DNAJC11: variants seen among roughly 807,000 people sequenced by gnomAD.
DNAJC11 encodes DnaJ heat shock protein family (Hsp40) member C11.
In DNAJC11, 15 loss-of-function variants were observed where a neutral mutation model predicts 78.6. The ratio of observed to expected loss-of-function variants is 0.19; its 90% CI spans 0.13 to 0.29. The LOEUF is 0.29. Among genes scored for constraint, DNAJC11 ranks in the 10% least tolerant of loss-of-function variants. DNAJC11 has a pLI of 1.00. For synonymous variants in DNAJC11, 292 were observed against 272.1 expected (o/e 1.07, Z -0.72); for missense variants, 547 against 709.6 (o/e 0.77, Z 2.60).
intron 1 of DNAJC11, among the ~76,000 whole-genome samples, chr1:6,685,191 AAT>A (rs1330327468): frequency 6.6e-6 from 1 of 152,346 alleles, no homozygotes; most frequent in South Asian, 2.1e-4. Flanking sequence ...ATGTCTGGAT[AAT>A]ATGTCTGTAC....
In DNAJC11 at chr1:6,680,446, G is replaced by C. The variant is rs1172859667; in HGVS notation, c.202+462C>G. Among the ~76,000 whole-genome samples the C allele has an allele frequency of 1.3e-5, 2 of 152,046 alleles. No homozygotes were observed. The highest frequency in any genetic ancestry group is 2.4e-5 in the African/African-American group (1 of 41,398). On this transcript the variant is annotated intron_variant, in intron 2 of 15. Coordinates refer to ENST00000377577, the MANE Select transcript of DNAJC11 (RefSeq NM_018198.4). The surrounding 1 kb of genome is among the most constrained non-coding windows in gnomAD (Gnocchi z 4.0). ...ATAAGTATAAAAATGTGAATCACTT[G>C]GTTCTATTTCCTATAAGCCTTCTTA...
At chr1:6,700,300 C>G (rs763247886) in intron 1 of DNAJC11, among the ~76,000 whole-genome samples, 3 of 152,236 alleles carry the variant, frequency 2.0e-5, no homozygotes, top group Non-Finnish European at 2.9e-5. Context: ...AATCCCACCA[C>G]CCTTTGCTGA....
At chr1:6,686,377 C>T (rs1387833848) in intron 1 of DNAJC11, among the ~76,000 whole-genome samples, 1 of 152,190 alleles carries the variant, frequency 6.6e-6, no homozygotes, top group Non-Finnish European at 1.5e-5. Context: ...AACTGCTGGG[C>T]TAGATGATAC....
intron 1 of DNAJC11, among the ~76,000 whole-genome samples, chr1:6,691,977 A>G (rs181722299): frequency 6.6e-6 from 1 of 152,382 alleles, no homozygotes; most frequent in East Asian, 1.9e-4. Flanking sequence ...AAGTAAAATT[A>G]AAATGAAAGG....
intron 6 of DNAJC11, among the ~76,000 whole-genome samples, chr1:6,652,091 C>G (rs1040555363): frequency 6.6e-6 from 1 of 152,244 alleles, no homozygotes; most frequent in Admixed American, 6.5e-5. Context: ...GGTTCCACAC[C>G]CGCACAGCCT....
Position 6,650,244 on chromosome 1 carries a change from C to A in DNAJC11, c.704+1285G>T, listed in dbSNP as rs945123952. ...CATCACTATTCTCCAGCCGGGGTGA[C>A]AAAGTGAGACCTGTCTCAAAACAAA... is the stretch of plus-strand genomic sequence containing the variant. On this transcript the variant is annotated intron_variant, in intron 7 of 15. Transcript: ENST00000377577. 8.6e-5 allele frequency among the ~76,000 whole-genome samples: 13 copies of A among 151,524 alleles called. 1 individual carries two copies. Among genetic ancestry groups the A allele is most frequent in the Admixed American group, 7.9e-4 (12 of 15,214 alleles).
chr1:6,653,818 A>G lies in DNAJC11; in HGVS notation c.507+93T>C. 1 of 1,493,566 alleles carries G rather than the reference A, an allele frequency of 6.7e-7. No homozygotes were observed. The highest frequency in any genetic ancestry group is 9.1e-7 in the Non-Finnish European group (1 of 1,093,522). 92.5% of individuals were successfully genotyped at this position (1,493,566 alleles called of 1,614,324 possible). A position where few individuals can be genotyped will look rare whatever the true frequency, so the allele number is the denominator to read the frequency against. ...CCTTTCATAAATAAAGATGAGAAAA[A>G]CCCTGGGCAGACTCTCATTCCAGCT... On this transcript the variant is annotated intron_variant, in intron 5 of 15. Transcript: ENST00000377577. This position sits in a 1 kb window ranked among gnomAD's most constrained non-coding sequence, Gnocchi z 4.5.
chr1:6,669,577 A>C (rs924917372), intron 3 of DNAJC11, among the ~76,000 whole-genome samples: 1 of 150,684 alleles, frequency 6.6e-6, no homozygotes, highest in Non-Finnish European at 1.5e-5. Context: ...AAAGAAAAGA[A>C]GGCATTTCAA....
In DNAJC11 at chr1:6,680,862, A is replaced by T. The variant is rs200735829; in HGVS notation, c.202+46T>A. ...ACAAATCGCACCTCCTAAAAATCGA[A>T]TATCTGTTACCAGGATGTTTCTACA... On this transcript the variant is annotated intron_variant, in intron 2 of 15. Transcript: ENST00000377577. This position sits in a 1 kb window ranked among gnomAD's most constrained non-coding sequence, Gnocchi z 4.0. The T allele has an allele frequency of 6.3e-7, 1 of 1,598,410 alleles. No individual in the cohort carries two copies. The highest frequency in any genetic ancestry group is 2.2e-5 in the East Asian group (1 of 44,512).
At chr1:6,696,695 G>C (rs1642842546) in intron 1 of DNAJC11, among the ~76,000 whole-genome samples, 1 of 152,182 alleles carries the variant, frequency 6.6e-6, no homozygotes, top group African/African-American at 2.4e-5. Flanking sequence ...TAGTTTCATG[G>C]CTGTTCTGGA....
At chr1:6,683,062 A>G (rs992608038) in intron 1 of DNAJC11, among the ~76,000 whole-genome samples, 5 of 152,200 alleles carry the variant, frequency 3.3e-5, no homozygotes, top group Non-Finnish European at 7.3e-5. Flanking sequence ...CTCTGTCAGA[A>G]TAGGGTCAAG....
chr1:6,645,430 G>A lies in DNAJC11; in HGVS notation c.895-304C>T, dbSNP rs1015862256. On this transcript the variant is annotated intron_variant, in intron 8 of 15. Coordinates refer to ENST00000377577, the MANE Select transcript of DNAJC11 (RefSeq NM_018198.4). The surrounding 1 kb of genome is among the most constrained non-coding windows in gnomAD (Gnocchi z 4.1). ...AGCCAAGGAGCAGTGGCCCGTGTGGGGCTTCTCATGTACCAGCCCTGGTGT... is the reference window on the plus strand; with the variant it reads ...AGCCAAGGAGCAGTGGCCCGTGTGGAGCTTCTCATGTACCAGCCCTGGTGT... Among the ~76,000 whole-genome samples the A allele has an allele frequency of 7.2e-5, 11 of 152,198 alleles. No individual in the cohort carries two copies. The highest frequency in any genetic ancestry group is 2.4e-4 in the African/African-American group (10 of 41,438).
chr1:6,696,218 A>T (rs1338933016), intron 1 of DNAJC11, among the ~76,000 whole-genome samples: 1 of 152,270 alleles, frequency 6.6e-6, no homozygotes, highest in Non-Finnish European at 1.5e-5. Context: ...AAAATGAAGG[A>T]ACTGACCTTT....
chr1:6,662,053 G>GT (rs1216959899), intron 4 of DNAJC11, among the ~76,000 whole-genome samples: 71 of 151,878 alleles, frequency 4.7e-4, no homozygotes, highest in African/African-American at 1.6e-3. Flanking sequence ...CAGGGCTCAA[G>GT]CATTCCTCCT....
At chr1:6,637,544 G>C (rs1398151818) in intron 12 of DNAJC11, 40 bp from the exon 13 acceptor site, 1 of 1,611,876 alleles carries the variant, frequency 6.2e-7, no homozygotes, top group Non-Finnish European at 8.5e-7. Flanking sequence ...GGCCCTGCCA[G>C]GCCTGTTCCA....
At chr1:6,689,827 G>A (rs1570313228) in intron 1 of DNAJC11, among the ~76,000 whole-genome samples, 1 of 151,942 alleles carries the variant, frequency 6.6e-6, no homozygotes, top group Non-Finnish European at 1.5e-5. Context: ...AAAGGGCTAT[G>A]TAAGGAGGAC....
rs201758526 is a variant in DNAJC11 at position 6,636,132 on chromosome 1, G to A, written c.1639C>T (p.Arg547Trp). The A allele has an allele frequency of 7.7e-5, 125 of 1,614,014 alleles. No homozygotes were observed. Among genetic ancestry groups the A allele is most frequent in the Admixed American group, 1.7e-4 (10 of 59,976 alleles). Reference sequence around the variant, plus strand: ...GGCTACTCACACTGCTTTGGTATCCGGAGGGCCTCACTGTCCAGCACCATC... The same window carrying A: ...GGCTACTCACACTGCTTTGGTATCCAGAGGGCCTCACTGTCCAGCACCATC... Reference protein sequence around the residue: ...QVMVLDSEALRIPKQSHRIDT... With the variant: ...QVMVLDSEALWIPKQSHRIDT... Residue 547 changes from arginine (R) to tryptophan (W), a missense_variant, in exon 15 of 16, where the codon CGG becomes TGG. Transcript: ENST00000377577.
At chr1:6,641,362 G>T (rs1641872156) in intron 10 of DNAJC11, among the ~76,000 whole-genome samples, 1 of 130,782 alleles carries the variant, frequency 7.6e-6, no homozygotes. Context: ...GGGTGCAAGA[G>T]CGAAACTCCG....
chr1:6,653,080 G>T lies in DNAJC11; in HGVS notation c.508-129C>A. ...GATTCCTCTGTTCAGAAGCACACAT[G>T]GATGCAGAACTGCCGCAACAGCTTC... On this transcript the variant is annotated intron_variant, in intron 5 of 15. Coordinates refer to ENST00000377577, the MANE Select transcript of DNAJC11 (RefSeq NM_018198.4). The surrounding 1 kb of genome is among the most constrained non-coding windows in gnomAD (Gnocchi z 4.5). 9.2e-7 allele frequency: 1 copy of T among 1,089,366 alleles called. No individual in the cohort carries two copies. The highest frequency in any genetic ancestry group is 1.3e-6 in the Non-Finnish European group (1 of 749,156). The allele number at this position is 1,089,366 out of a possible 1,614,324, so 67.5% of individuals were successfully genotyped here. A position where few individuals can be genotyped will look rare whatever the true frequency, so the allele number is the denominator to read the frequency against.
Sources: allele counts gnomAD v4.1 joint callset (sites outside exome capture counted in the v4.1 genomes callset), GRCh38; gene constraint gnomAD v4.1.1; non-coding constraint Gnocchi (gnomAD v3.1); transcripts MANE v1.5; gene names NCBI Gene and HGNC (gene_info 2026-07-23, HGNC 2026-07-21).